PDLIM5: variants seen among roughly 807,000 people sequenced by gnomAD.
PDLIM5 encodes the protein PDZ and LIM domain 5.
Under a neutral mutation model 64.2 loss-of-function variants are expected in PDLIM5, and 34 were observed. The ratio of observed to expected loss-of-function variants is 0.53; its 90% CI spans 0.40 to 0.71. PDLIM5 has a LOEUF of 0.71. PDLIM5 is among the 30% of genes least tolerant of loss of function. The probability of loss-of-function intolerance (pLI) is 0.00; values close to 1 mark genes in which losing one functional copy is unlikely to be tolerated. For synonymous variants in PDLIM5, 253 were observed against 269.1 expected, an observed-to-expected ratio of 0.94 and a Z score of 0.59; for missense variants, 683 against 733.6, an observed-to-expected ratio of 0.93 and a Z score of 0.80.
At chr4:94,592,210 T>A (rs1247573276) in intron 7 of PDLIM5, among the ~76,000 whole-genome samples, 1 of 152,222 alleles carries the variant, frequency 6.6e-6, no homozygotes, top group Non-Finnish European at 1.5e-5. Context: ...AGCAATGAAA[T>A]GAGAAGCTTC....
intron 3 of PDLIM5, among the ~76,000 whole-genome samples, chr4:94,532,642 C>T (rs1018465866): frequency 2.0e-4 from 30 of 152,280 alleles, no homozygotes; most frequent in Non-Finnish European, 3.7e-4. Context: ...CAGTTTGCTG[C>T]TTACTCATAT....
intron 3 of PDLIM5, among the ~76,000 whole-genome samples, chr4:94,546,324 G>A (rs1445465764): frequency 5.3e-5 from 8 of 151,944 alleles, no homozygotes; most frequent in Admixed American, 3.9e-4. Flanking sequence ...TACCCCACCC[G>A]GCCCCACACA....
intron 3 of PDLIM5, among the ~76,000 whole-genome samples, chr4:94,568,156 A>G (rs1362544218): frequency 6.6e-6 from 1 of 152,218 alleles, no homozygotes; most frequent in African/African-American, 2.4e-5. Flanking sequence ...CCTTAACATG[A>G]TCTAAACTAG....
intron 7 of PDLIM5, among the ~76,000 whole-genome samples, chr4:94,603,684 T>C (rs1020357168): frequency 1.3e-5 from 2 of 152,204 alleles, no homozygotes; most frequent in African/African-American, 4.8e-5. Context: ...TGTATGTGTG[T>C]GCGCACGCGC....
chr4:94,504,074 A>G (rs538344551), intron 2 of PDLIM5, among the ~76,000 whole-genome samples: 4 of 152,244 alleles, frequency 2.6e-5, no homozygotes, highest in African/African-American at 9.6e-5. Context: ...ATCATTTACT[A>G]GTGTTATCAC....
Position 94,654,573 on chromosome 4 carries a change from A to T in PDLIM5, c.1397A>T (p.Tyr466Phe). ...TTTGTAGAGGAGAAAGGAGCCCTGTATTGTGAGCTGTGCTATGAGAAATTC... is the reference window on the plus strand; with the variant it reads ...TTTGTAGAGGAGAAAGGAGCCCTGTTTTGTGAGCTGTGCTATGAGAAATTC... ...IGFVEEKGALYCELCYEKFFA... is the reference protein window; with the variant it reads ...IGFVEEKGALFCELCYEKFFA... The change falls in exon 10 of 13, where the codon TAT becomes TTT. Residue 466 changes from tyrosine (Y) to phenylalanine (F), a missense_variant. Transcript: ENST00000317968. 1 of 1,612,550 alleles carries T rather than the reference A, an allele frequency of 6.2e-7. No individual in the cohort carries two copies. Among genetic ancestry groups the T allele is most frequent in the South Asian group, 1.1e-5 (1 of 91,044 alleles).
chr4:94,598,785 G>A lies in PDLIM5; in HGVS notation c.920+12341G>A, dbSNP rs191855097. ...ATAGTACAACATGAATATAATGAGG[G>A]GAGGGGAAGAGTAAGGTCATTAGAC... is the stretch of plus-strand genomic sequence containing the variant. On this transcript the variant is annotated intron_variant, in intron 7 of 12. Transcript: ENST00000317968. Among the ~76,000 whole-genome samples the A allele has an allele frequency of 3.0e-4, 45 of 152,130 alleles. 1 individual carries two copies. In the East Asian group the frequency reaches 8.5e-3, roughly 29 times the overall value.
chr4:94,633,602 A>G (rs927063748), intron 8 of PDLIM5, among the ~76,000 whole-genome samples: 3 of 152,172 alleles, frequency 2.0e-5, no homozygotes, highest in African/African-American at 7.2e-5. Flanking sequence ...TAGAAAGACA[A>G]TAATTCTGGT....
Position 94,616,752 on chromosome 4 carries a change from C to G in PDLIM5, c.921-1252C>G, listed in dbSNP as rs116687702. ...TCAAAAATAATAAAAGCTGATGGCT[C>G]TATGACACTTGCATTTGAGAGAACA... On this transcript the variant is annotated intron_variant, in intron 7 of 12. Transcript: ENST00000317968. Among the ~76,000 whole-genome samples, 1,418 of 152,296 alleles carry G rather than the reference C, an allele frequency of 9.3e-3. 29 individuals are homozygous for G. The highest frequency in any genetic ancestry group is 0.03 in the African/African-American group (1,256 of 41,562).
intron 2 of PDLIM5, chr4:94,456,444 C>T: frequency 1.4e-6 from 1 of 697,392 alleles, no homozygotes. Flanking sequence ...GTGATCTGCC[C>T]ACCTCGGCCT....
At chr4:94,472,734 C>T (rs1375044247) in intron 2 of PDLIM5, among the ~76,000 whole-genome samples, 1 of 152,152 alleles carries the variant, frequency 6.6e-6, no homozygotes, top group East Asian at 1.9e-4. Flanking sequence ...TATGTTGTCA[C>T]ACTGGTTACA....
intron 7 of PDLIM5, among the ~76,000 whole-genome samples, chr4:94,607,018 T>G (rs1176032214): frequency 6.6e-6 from 1 of 152,258 alleles, no homozygotes; most frequent in Admixed American, 6.5e-5. Flanking sequence ...TTGGCCAGCA[T>G]GCCGTGGTTT....
In PDLIM5 at chr4:94,481,355, T is replaced by C. The variant is rs575970022; in HGVS notation, c.96+25971T>C. On this transcript the variant is annotated intron_variant, in intron 2 of 12. Transcript: ENST00000317968. ...GCTAGGCTGGAGTGCAGTGGTGCGA[T>C]CTCAGCTCACTGCAACCTCCGCCTC... Among the ~76,000 whole-genome samples, 758 of 151,080 alleles carry C rather than the reference T, an allele frequency of 5.0e-3. 5 individuals are homozygous for C. Among genetic ancestry groups the C allele is most frequent in the African/African-American group, 0.017 (682 of 41,164 alleles).
intron 2 of PDLIM5, among the ~76,000 whole-genome samples, chr4:94,502,911 C>T (rs1439880318): frequency 2.0e-5 from 3 of 151,912 alleles, no homozygotes; most frequent in Admixed American, 2.0e-4. Flanking sequence ...ACATGTAAAA[C>T]ATCTAACTAT....
chr4:94,604,792 C>T (rs1035620549), intron 7 of PDLIM5, among the ~76,000 whole-genome samples: 3 of 152,118 alleles, frequency 2.0e-5, no homozygotes, highest in Admixed American at 1.3e-4. Flanking sequence ...ATAATGTGAA[C>T]GTACTTCACA....
intron 3 of PDLIM5, among the ~76,000 whole-genome samples, chr4:94,529,653 C>T (rs1730682900): frequency 6.6e-6 from 1 of 152,046 alleles, no homozygotes; most frequent in Non-Finnish European, 1.5e-5. Context: ...CTTTCTATGA[C>T]ATCCTAAAAA....
At chr4:94,632,336 A>C (rs1740223922) in intron 8 of PDLIM5, among the ~76,000 whole-genome samples, 1 of 152,212 alleles carries the variant, frequency 6.6e-6, no homozygotes, top group African/African-American at 2.4e-5. Context: ...TATATTCTTG[A>C]TCTGTTAAAT....
intron 11 of PDLIM5, among the ~76,000 whole-genome samples, chr4:94,661,960 A>G (rs1242765821): frequency 6.6e-6 from 1 of 152,092 alleles, no homozygotes; most frequent in Non-Finnish European, 1.5e-5. Flanking sequence ...AGCTGGGACT[A>G]CAGGCATGCG....
intron 8 of PDLIM5, among the ~76,000 whole-genome samples, chr4:94,633,990 C>T (rs2110439766): frequency 1.3e-5 from 2 of 152,156 alleles, no homozygotes; most frequent in South Asian, 4.2e-4. Context: ...AGCACGCTGG[C>T]CAGTACAGAG....
Sources: allele counts gnomAD v4.1 joint callset (sites outside exome capture counted in the v4.1 genomes callset), GRCh38; gene constraint gnomAD v4.1.1; transcripts MANE v1.5; gene names NCBI Gene and HGNC (gene_info 2026-07-23, HGNC 2026-07-21).